TAOK1: variants seen among roughly 807,000 people sequenced by gnomAD.
TAOK1 encodes serine/threonine-protein kinase TAO1.
Under a neutral mutation model 138.3 loss-of-function variants are expected in TAOK1, and 21 were observed. The observed-to-expected ratio is 0.15, with a 90% CI of 0.11 to 0.22. The LOEUF is 0.22. Among genes scored for constraint, TAOK1 ranks in the 10% least tolerant of loss-of-function variants. The probability of loss-of-function intolerance (pLI) is 1.00; values close to 1 mark genes in which losing one functional copy is unlikely to be tolerated. For synonymous variants in TAOK1, 361 were observed against 398.4 expected, an observed-to-expected ratio of 0.91 and a Z score of 1.12; for missense variants, 651 against 1,227.7, an observed-to-expected ratio of 0.53 and a Z score of 7.02.
intron 1 of TAOK1, among the ~76,000 whole-genome samples, chr17:29,410,835 A>G (rs548831224): frequency 6.0e-5 from 9 of 149,872 alleles, no homozygotes; most frequent in Admixed American, 4.7e-4. Context: ...GGGTTTCACC[A>G]TGTTGGCCAG....
chr17:29,482,977 A>G lies in TAOK1; in HGVS notation c.655+689A>G, dbSNP rs1200372841. 2.0e-5 allele frequency among the ~76,000 whole-genome samples: 3 copies of G among 152,194 alleles called. 1 individual carries two copies. Among genetic ancestry groups the G allele is most frequent in the South Asian group, 4.1e-4 (2 of 4,834 alleles). ...GCCAATAAACTGTCACTGTAATTGA[A>G]GATGCTGGCCGTCTTCTTGCTCTGG... is the stretch of plus-strand genomic sequence containing the variant. On this transcript the variant is annotated intron_variant, in intron 8 of 19. Transcript: ENST00000261716.
intron 19 of TAOK1, among the ~76,000 whole-genome samples, chr17:29,536,770 G>A (rs1429194057): frequency 7.0e-6 from 1 of 142,074 alleles, no homozygotes; most frequent in African/African-American, 2.6e-5. Context: ...CGTGATCTCT[G>A]CTCACTGCAA....
intron 18 of TAOK1, among the ~76,000 whole-genome samples, chr17:29,531,488 GC>G (rs56793594): frequency 1 from 151,900 of 152,032 alleles, 75,884 homozygotes; most frequent in Middle Eastern, 1. Context: ...AAGGCTGCGC[GC>G]CAGTGGCTCA....
At chr17:29,394,204 C>T (rs1179407362) in intron 1 of TAOK1, among the ~76,000 whole-genome samples, 8 of 111,622 alleles carry the variant, frequency 7.2e-5, no homozygotes, top group Non-Finnish European at 1.2e-4. Context: ...CTTGCTCTGT[C>T]GCCCAGGCTG....
At chr17:29,446,756 G>A (rs1042880208) in intron 1 of TAOK1, among the ~76,000 whole-genome samples, 20 of 75,866 alleles carry the variant, frequency 2.6e-4, no homozygotes, top group African/African-American at 1.0e-3. Flanking sequence ...TTTTTTTTTT[G>A]AGATGGAGTT....
chr17:29,526,832 A>T (rs1203994862), intron 17 of TAOK1, among the ~76,000 whole-genome samples: 4 of 149,026 alleles, frequency 2.7e-5, no homozygotes, highest in South Asian at 2.1e-4. Flanking sequence ...AAAAAAAAAA[A>T]AAAAAAAAAA....
intron 19 of TAOK1, among the ~76,000 whole-genome samples, chr17:29,536,382 G>C (rs962641197): frequency 6.6e-6 from 1 of 151,924 alleles, no homozygotes; most frequent in Non-Finnish European, 1.5e-5. Context: ...CGGATCACGA[G>C]GTCAGGGGAG....
intron 2 of TAOK1, among the ~76,000 whole-genome samples, chr17:29,459,013 C>T (rs2030467140): frequency 1.3e-5 from 2 of 152,062 alleles, no homozygotes; most frequent in South Asian, 4.1e-4. Context: ...AGCCACTTTG[C>T]CCAGCCTAAT....
intron 2 of TAOK1, 43 bp downstream of exon 2, chr17:29,451,723 A>G (rs2030241322): frequency 1.3e-6 from 2 of 1,596,864 alleles, no homozygotes; most frequent in Non-Finnish European, 1.7e-6. Flanking sequence ...AATTTACTTA[A>G]TGTCCACTCC....
intron 3 of TAOK1, among the ~76,000 whole-genome samples, chr17:29,469,417 C>T (rs1349459307): frequency 6.6e-6 from 1 of 152,022 alleles, no homozygotes; most frequent in Non-Finnish European, 1.5e-5. Context: ...TATCACCATG[C>T]GTCTCTAGAA....
At position 29,397,657 on chromosome 17, in the gene TAOK1, C is replaced by A. The variant is rs1433934717; in HGVS notation, c.-95+6633C>A. On this transcript the variant is annotated intron_variant, in intron 1 of 19. Transcript: ENST00000261716. ...ATGTATACATGTATATATGTATATT[C>A]ATGTATGATACATGTATACATGTAT... 6.9e-5 allele frequency among the ~76,000 whole-genome samples: 8 copies of A among 115,166 alleles called. 1 individual carries two copies. The highest frequency in any genetic ancestry group is 1.8e-4 in the African/African-American group (5 of 28,424). The allele number at this position is 115,166 out of a possible 152,430, so 75.6% of individuals were successfully genotyped here.
intron 1 of TAOK1, among the ~76,000 whole-genome samples, chr17:29,435,402 T>C (rs1001059452): frequency 6.6e-6 from 1 of 152,236 alleles, no homozygotes; most frequent in African/African-American, 2.4e-5. Flanking sequence ...AGCCCTATAC[T>C]TGACCTGATT....
chr17:29,493,026 A>G (rs2031333556), intron 10 of TAOK1, among the ~76,000 whole-genome samples: 1 of 151,902 alleles, frequency 6.6e-6, no homozygotes, highest in South Asian at 2.1e-4. Context: ...GTGTAGTCCC[A>G]AATACTCAGG....
At chr17:29,528,839 CAAAAAAAAAAAAAAA>C (rs58073512) in intron 17 of TAOK1, among the ~76,000 whole-genome samples, 3 of 69,406 alleles carry the variant, frequency 4.3e-5, no homozygotes, top group Admixed American at 2.1e-4. Flanking sequence ...GACTCCGTCT[CAAAAAAAAAAAAAAA>C]AAAAAAAAAA....
At chr17:29,507,312 C>T (rs2031646753) in intron 13 of TAOK1, among the ~76,000 whole-genome samples, 2 of 148,424 alleles carry the variant, frequency 1.3e-5, no homozygotes, top group South Asian at 2.1e-4. Context: ...TTGTGTCCTG[C>T]CCAAGAAGTA....
chr17:29,392,562 C>G (rs1429899486), intron 1 of TAOK1, among the ~76,000 whole-genome samples: 1 of 152,034 alleles, frequency 6.6e-6, no homozygotes, highest in East Asian at 1.9e-4. Context: ...AAATGTGCTG[C>G]CAAGTGCTTT....
intron 1 of TAOK1, among the ~76,000 whole-genome samples, chr17:29,437,890 G>T (rs1906086566): frequency 6.6e-6 from 1 of 151,780 alleles, no homozygotes; most frequent in African/African-American, 2.4e-5. Flanking sequence ...CCACCACTAT[G>T]CCCAGCTAAT....
chr17:29,451,146 A>G (rs2030224613), intron 1 of TAOK1, among the ~76,000 whole-genome samples: 2 of 152,232 alleles, frequency 1.3e-5, no homozygotes, highest in Non-Finnish European at 2.9e-5. Flanking sequence ...TCTCTTTTAT[A>G]TTATCTTCTC....
At chr17:29,403,511 G>A (rs1342141588) in intron 1 of TAOK1, among the ~76,000 whole-genome samples, 1 of 152,088 alleles carries the variant, frequency 6.6e-6, no homozygotes. Flanking sequence ...CAGAAACTTT[G>A]TATAGTATAT....
Sources: gnomAD v4.1 joint callset for allele counts (sites outside exome capture counted in the v4.1 genomes callset) on GRCh38, gnomAD v4.1.1 for gene constraint, MANE v1.5 for transcripts, NCBI Gene and HGNC (gene_info 2026-07-23, HGNC 2026-07-21) for gene names.